BNC1: variants seen among roughly 807,000 people sequenced by gnomAD.
The protein encoded by BNC1 is zinc finger protein basonuclin-1.
BNC1 carries 8 observed loss-of-function variants against 66.5 expected under a neutral mutation model. That is an observed-to-expected ratio of 0.12 (90% CI 0.07 to 0.22). The LOEUF (loss-of-function observed/expected upper bound fraction) is 0.22. Among genes scored for constraint, BNC1 ranks in the 10% least tolerant of loss-of-function variants. BNC1 has a pLI of 1.00. For synonymous variants in BNC1, 454 were observed against 452.6 expected (o/e 1.00, Z -0.04); for missense variants, 1,069 against 1,241.3 (o/e 0.86, Z 2.09).
rs1215912146 is a variant in BNC1 at position 83,260,821 on chromosome 15, C to T, written c.2300+2130G>A. Among the ~76,000 whole-genome samples the T allele has an allele frequency of 3.3e-5, 5 of 152,236 alleles. No individual in the cohort carries two copies. In the East Asian group the frequency reaches 9.6e-4, roughly 29 times the overall value. On this transcript the variant is annotated intron_variant, in intron 4 of 4. Coordinates refer to ENST00000345382, the MANE Select transcript of BNC1 (RefSeq NM_001717.4). ...TCCCTACAGGAATGTGGTTCTCAATCTCTGACTGAGAGAAATGGTGTCAGG... is the reference window on the plus strand; with the variant it reads ...TCCCTACAGGAATGTGGTTCTCAATTTCTGACTGAGAGAAATGGTGTCAGG...
chr15:83,270,892 G>A (rs1378798639), intron 1 of BNC1, among the ~76,000 whole-genome samples: 1 of 152,188 alleles, frequency 6.6e-6, no homozygotes, highest in Non-Finnish European at 1.5e-5. Context: ...AGTGATAGCT[G>A]CACAACTCTA....
At chr15:83,283,412 G>C (rs1704787) in intron 1 of BNC1, 2 of 1,189,640 alleles carry the variant, frequency 1.7e-6, no homozygotes, top group Non-Finnish European at 2.1e-6. Flanking sequence ...TCCGCCCGCG[G>C]CCCCCAGCCT....
At chr15:83,262,844 G>A (rs567439736) in intron 4 of BNC1, 107 bp downstream of exon 4, 7 of 1,204,214 alleles carry the variant, frequency 5.8e-6, no homozygotes, top group South Asian at 1.6e-5. Flanking sequence ...AAATTCTAGG[G>A]TGGGGCTCAG....
At chr15:83,283,400 T>C (rs944523596) in intron 1 of BNC1, 94 of 1,192,568 alleles carry the variant, frequency 7.9e-5, no homozygotes, top group Middle Eastern at 3.4e-4. Flanking sequence ...GCCTCCTCCT[T>C]CTCCGCCCGC....
At chr15:83,280,382 G>A (rs1474811914) in intron 1 of BNC1, among the ~76,000 whole-genome samples, 1 of 152,152 alleles carries the variant, frequency 6.6e-6, no homozygotes, top group East Asian at 1.9e-4. Context: ...AAAAAATACA[G>A]AGCAAAACAC....
At chr15:83,272,969 C>T (rs1156274376) in intron 1 of BNC1, among the ~76,000 whole-genome samples, 2 of 152,048 alleles carry the variant, frequency 1.3e-5, no homozygotes, top group African/African-American at 4.8e-5. Context: ...CAGACACTAC[C>T]AAATGCCCTT....
chr15:83,262,293 T>C (rs1296517415), intron 4 of BNC1, among the ~76,000 whole-genome samples: 1 of 152,090 alleles, frequency 6.6e-6, no homozygotes, highest in Non-Finnish European at 1.5e-5. Context: ...CCTTGTGATC[T>C]GCCCGCCCTG....
intron 1 of BNC1, chr15:83,283,601 G>A: frequency 3.9e-6 from 3 of 775,196 alleles, no homozygotes; most frequent in Non-Finnish European, 4.7e-6. Context: ...AGCGGCAGGC[G>A]CAGCCGCGGG....
intron 1 of BNC1, among the ~76,000 whole-genome samples, chr15:83,280,297 T>C (rs2038365054): frequency 6.6e-6 from 1 of 152,206 alleles, no homozygotes; most frequent in Non-Finnish European, 1.5e-5. Context: ...TTAGAAACCT[T>C]TGATAACAAA....
At chr15:83,278,282 G>A (rs1046223448) in intron 1 of BNC1, among the ~76,000 whole-genome samples, 13 of 152,164 alleles carry the variant, frequency 8.5e-5, no homozygotes, top group African/African-American at 3.1e-4. Context: ...TGTTTCTAAA[G>A]CATCTACTAT....
chr15:83,283,776 G>T (rs1306272838), intron 1 of BNC1, among the ~76,000 whole-genome samples: 2 of 152,238 alleles, frequency 1.3e-5, no homozygotes, highest in African/African-American at 4.8e-5. Flanking sequence ...TCCAGGGTCC[G>T]CAGTGAAGCT....
In BNC1 at chr15:83,262,210, G is replaced by A. The variant is rs762003472; in HGVS notation, c.2300+741C>T. ...CATGACTACAGGTGCATGCCACCAC[G>A]CCCAGCTAATTTTTCTATTTTTAGT... is the stretch of plus-strand genomic sequence containing the variant. On this transcript the variant is annotated intron_variant, in intron 4 of 4. Transcript: ENST00000345382. Among the ~76,000 whole-genome samples, 32 of 151,894 alleles carry A rather than the reference G, an allele frequency of 2.1e-4. 3 individuals are homozygous for A. Among genetic ancestry groups the A allele is most frequent in the Non-Finnish European group, 7.4e-5 (5 of 67,968 alleles).
chr15:83,271,135 G>T (rs187169684), intron 1 of BNC1, among the ~76,000 whole-genome samples: 282 of 152,202 alleles, frequency 1.9e-3, no homozygotes, highest in Non-Finnish European at 3.1e-3. Flanking sequence ...AATTAGCCAG[G>T]TGTGGTGGCA....
chr15:83,282,866 T>A (rs1567197222), intron 1 of BNC1, among the ~76,000 whole-genome samples: 4 of 152,112 alleles, frequency 2.6e-5, no homozygotes, highest in Non-Finnish European at 5.9e-5. Flanking sequence ...TCTCTCTCCC[T>A]CACACACACA....
intron 1 of BNC1, among the ~76,000 whole-genome samples, chr15:83,272,643 C>T (rs1426495137): frequency 2.0e-5 from 3 of 152,130 alleles, no homozygotes; most frequent in Non-Finnish European, 4.4e-5. Flanking sequence ...TGTCCTTAAG[C>T]ACATGCTTCC....
At position 83,263,290 on chromosome 15, in the gene BNC1, T is replaced by C. The variant is rs199692589; in HGVS notation, c.1961A>G (p.His654Arg). The change falls in exon 4 of 5, where the codon CAT (histidine) becomes CGT (arginine). Residue 654 changes from histidine (H) to arginine (R), a missense_variant. Around this residue, in one of 7 missense-constraint regions of BNC1, gnomAD observed 657 missense variants for 715.8 expected, o/e 0.92. Transcript: ENST00000345382. ...CATCCCAGGTGTGAAGTAGTGTTCA[T>C]GGCCACCATCCTCGACCTCCCTTGG... The part of the protein sequence containing the change: ...MVPREVEDGG[H>R]EHYFTPGMEP... 30 of 1,614,240 alleles carry C rather than the reference T, an allele frequency of 1.9e-5. No individual in the cohort carries two copies. In the East Asian group the frequency reaches 6.5e-4, roughly 35 times the overall value.
rs779651453 is a variant in BNC1, at chr15:83,263,878, C to G, written c.1373G>C (p.Gly458Ala). The G allele has an allele frequency of 3.2e-5, 51 of 1,614,058 alleles. 1 individual carries two copies. The South Asian group carries it at 5.4e-4, about 17-fold the overall frequency. ...TTGGCCTTTGGAATCCTCTCCTGAA[C>G]CAGGGTAGCTGGGAGGAGGCCTACA... The part of the protein sequence containing the change: ...PDCRPPPSYP[G>A]SGEDSKGQPA... Residue 458 changes from glycine (G) to alanine (A), a missense_variant, in exon 4 of 5, where the codon GGT becomes GCT. This residue lies in a region of BNC1 where 657 missense variants were observed against 715.8 expected (regional missense o/e 0.92). Transcript: ENST00000345382.
chr15:83,268,810 G>A (rs1320901268), intron 1 of BNC1, among the ~76,000 whole-genome samples: 1 of 152,204 alleles, frequency 6.6e-6, no homozygotes, highest in Non-Finnish European at 1.5e-5. Flanking sequence ...GGCTGAACAA[G>A]CCTTGCATCA....
intron 1 of BNC1, among the ~76,000 whole-genome samples, chr15:83,277,776 T>C (rs1052266467): frequency 9.2e-5 from 14 of 152,172 alleles, no homozygotes; most frequent in Non-Finnish European, 2.1e-4. Context: ...TGTTGTGAAA[T>C]TGTCATTCTT....
Sources: allele counts gnomAD v4.1 joint callset (sites outside exome capture counted in the v4.1 genomes callset), GRCh38; gene constraint gnomAD v4.1.1; regional missense constraint gnomAD v4.1.1; transcripts MANE v1.5; gene names NCBI Gene and HGNC (gene_info 2026-07-23, HGNC 2026-07-21).